Variants in LMX1B observed in about 807,000 individuals in gnomAD.
LMX1B encodes the protein LIM homeobox transcription factor 1-beta.
LMX1B carries 12 observed loss-of-function variants against 51.4 expected under a neutral mutation model. The observed-to-expected ratio is 0.23, with a 90% CI of 0.15 to 0.38. The LOEUF (loss-of-function observed/expected upper bound fraction) is 0.38. Ranked by LOEUF, LMX1B falls within the 10% of genes least tolerant of loss-of-function variation. LMX1B has a pLI of 1.00. For missense variants in LMX1B, 445 were observed against 571.1 expected, an observed-to-expected ratio of 0.78 and a Z score of 2.25; for synonymous variants, 237 against 235.4, an observed-to-expected ratio of 1.01 and a Z score of -0.06.
chr9:126,664,420 A>G (rs1388351542), intron 2 of LMX1B, among the ~76,000 whole-genome samples: 1 of 152,114 alleles, frequency 6.6e-6, no homozygotes, highest in Non-Finnish European at 1.5e-5. Context: ...GGGGGGAGGC[A>G]GTTATACCCC....
intron 2 of LMX1B, among the ~76,000 whole-genome samples, chr9:126,623,586 C>T (rs759566392): frequency 6.6e-6 from 1 of 152,204 alleles, no homozygotes; most frequent in Non-Finnish European, 1.5e-5. Context: ...ATTTCCCCCC[C>T]AGGCGGGTCC....
rs116187184 is a variant in LMX1B, at chr9:126,658,939, G to A, written c.327-31897G>A. ...AGAGGCACCCAGAAGCCCCACATAGGATGGGGCAGGCCTGATCCAAGGCTG... is the reference window on the plus strand; with the variant it reads ...AGAGGCACCCAGAAGCCCCACATAGAATGGGGCAGGCCTGATCCAAGGCTG... On this transcript the variant is annotated intron_variant, in intron 2 of 7. Coordinates refer to ENST00000373474, the MANE Select transcript of LMX1B (RefSeq NM_001174147.2). The surrounding 1 kb of genome is among the most constrained non-coding windows in gnomAD (Gnocchi z 4.0). Among the ~76,000 whole-genome samples the A allele has an allele frequency of 1.6e-3, 249 of 152,346 alleles. 1 individual carries two copies. The highest frequency in any genetic ancestry group is 5.7e-3 in the African/African-American group (235 of 41,592).
intron 3 of LMX1B, 92 bp from the exon 4 acceptor site, chr9:126,693,050 C>A: frequency 7.5e-7 from 1 of 1,326,502 alleles, no homozygotes; most frequent in Non-Finnish European, 1.0e-6. Context: ...AGGGGACAGG[C>A]TCCCATCGGG....
At chr9:126,676,502 C>T (rs1012858232) in intron 2 of LMX1B, among the ~76,000 whole-genome samples, 1 of 152,340 alleles carries the variant, frequency 6.6e-6, no homozygotes, top group South Asian at 2.1e-4. Flanking sequence ...TGCCATGGGG[C>T]TTGGGACGTG....
chr9:126,620,724 T>C (rs1026079485), intron 2 of LMX1B, among the ~76,000 whole-genome samples: 2 of 152,102 alleles, frequency 1.3e-5, no homozygotes, highest in Non-Finnish European at 2.9e-5. Context: ...CTTTTTCCTT[T>C]GGTGGCAAAC....
At position 126,658,137 on chromosome 9, in the gene LMX1B, GA is replaced by G. The variant is rs1207880809; in HGVS notation, c.327-32697del. Among the ~76,000 whole-genome samples, 4 of 152,164 alleles carry G rather than the reference GA, an allele frequency of 2.6e-5. No individual in the cohort carries two copies. In the East Asian group the frequency reaches 7.8e-4, roughly 29 times the overall value. ...CTCCTGGGTATGAAGGGCAGAGAGGGAATCCCCAGCCAAGTGCAGAGGTCAG... is the reference window on the plus strand; with the variant it reads ...CTCCTGGGTATGAAGGGCAGAGAGGGATCCCCAGCCAAGTGCAGAGGTCAG... On this transcript the variant is annotated intron_variant, in intron 2 of 7. Transcript: ENST00000373474. This position sits in a 1 kb window ranked among gnomAD's most constrained non-coding sequence, Gnocchi z 4.0.
chr9:126,648,109 C>T (rs535705598), intron 2 of LMX1B, among the ~76,000 whole-genome samples: 4 of 152,316 alleles, frequency 2.6e-5, no homozygotes, highest in Non-Finnish European at 5.9e-5. Flanking sequence ...GTAATGACTT[C>T]CTCACTGAAC....
At chr9:126,670,606 G>A (rs1836431413) in intron 2 of LMX1B, among the ~76,000 whole-genome samples, 1 of 152,190 alleles carries the variant, frequency 6.6e-6, no homozygotes, top group South Asian at 2.1e-4. Context: ...CATATGTATT[G>A]ACAGGCATGT....
chr9:126,651,451 G>T (rs1245965150), intron 2 of LMX1B, among the ~76,000 whole-genome samples: 1 of 152,152 alleles, frequency 6.6e-6, no homozygotes, highest in Non-Finnish European at 1.5e-5. Context: ...CTGCAGGGTT[G>T]TCTCAAGGGG....
chr9:126,686,433 A>T (rs1188685046), intron 2 of LMX1B, among the ~76,000 whole-genome samples: 1 of 152,202 alleles, frequency 6.6e-6, no homozygotes, highest in Non-Finnish European at 1.5e-5. Context: ...GGATATGGAG[A>T]TATCTTCTCA....
rs1436037344 is a variant in LMX1B at position 126,695,848 on chromosome 9, C to A, written c.896C>A (p.Ser299Tyr). The A allele has an allele frequency of 1.2e-6, 2 of 1,612,846 alleles. No individual in the cohort carries two copies. Among genetic ancestry groups the A allele is most frequent in the Admixed American group, 1.7e-5 (1 of 59,946 alleles). ...NSQRLGQEVL[S>Y]SRMEGMMASY... ...CTCACTGTGCCCCCAGAGGTCCTGT[C>A]CAGCCGCATGGAGGGCATGATGGCT... The change falls in exon 7 of 8, where the codon TCC becomes TAC. Residue 299 changes from serine to tyrosine, a missense_variant. Around this residue, in one of 3 missense-constraint regions of LMX1B, gnomAD observed 162 missense variants for 187.8 expected, o/e 0.86. Coordinates refer to ENST00000373474, the MANE Select transcript of LMX1B (RefSeq NM_001174147.2). This position sits in a 1 kb window ranked among gnomAD's most constrained non-coding sequence, Gnocchi z 5.2.
chr9:126,682,667 T>G (rs1448070584), intron 2 of LMX1B, among the ~76,000 whole-genome samples: 2 of 151,818 alleles, frequency 1.3e-5, no homozygotes, highest in Non-Finnish European at 2.9e-5. Flanking sequence ...GAGCCCTAGG[T>G]GGGGGGATCA....
intron 2 of LMX1B, among the ~76,000 whole-genome samples, chr9:126,665,353 C>T (rs752364654): frequency 6.6e-6 from 1 of 152,146 alleles, no homozygotes; most frequent in Non-Finnish European, 1.5e-5. Context: ...AGTGACATTC[C>T]GCAGCCCTGC....
intron 2 of LMX1B, among the ~76,000 whole-genome samples, chr9:126,655,124 C>T (rs1002079114): frequency 5.9e-5 from 9 of 152,238 alleles, no homozygotes; most frequent in South Asian, 4.1e-4. Flanking sequence ...GTGAATGTGA[C>T]GAAGACTTGT....
intron 2 of LMX1B, among the ~76,000 whole-genome samples, chr9:126,661,019 G>T (rs1188236612): frequency 6.6e-6 from 1 of 152,204 alleles, no homozygotes; most frequent in Non-Finnish European, 1.5e-5. Flanking sequence ...CTTAGAGCTG[G>T]GATCTGGGAT....
rs2118849934 is a variant in LMX1B at position 126,626,446 on chromosome 9, C to G, written c.326+10877C>G. 6.6e-6 allele frequency among the ~76,000 whole-genome samples: 1 copy of G among 152,230 alleles called. No individual in the cohort carries two copies. On this transcript the variant is annotated intron_variant, in intron 2 of 7. Coordinates refer to ENST00000373474, the MANE Select transcript of LMX1B (RefSeq NM_001174147.2). This position sits in a 1 kb window ranked among gnomAD's most constrained non-coding sequence, Gnocchi z 4.3. ...TAGAGGGACAGGACATGGCCGGGGA[C>G]CATGGGATTCGCTGCCATTAAGTAT...
rs1338411906 is a variant in LMX1B, at chr9:126,625,223, G to A, written c.326+9654G>A. 1.3e-5 allele frequency among the ~76,000 whole-genome samples: 2 copies of A among 152,266 alleles called. No homozygotes were observed. The highest frequency in any genetic ancestry group is 3.8e-4 in the East Asian group (2 of 5,196). The stretch of plus-strand genomic sequence containing the variant: ...GCCCTGTAGCCCCCTGACGCTTTTC[G>A]TTTCCGAGCGCGCTTGGGCCTCAGG... On this transcript the variant is annotated intron_variant, in intron 2 of 7. Coordinates refer to ENST00000373474, the MANE Select transcript of LMX1B (RefSeq NM_001174147.2). The surrounding 1 kb of genome is among the most constrained non-coding windows in gnomAD (Gnocchi z 5.3).
chr9:126,696,465 G>A lies in LMX1B; in HGVS notation c.*14G>A, dbSNP rs570607984. On this transcript the variant is annotated 3_prime_UTR_variant, in exon 8 of 8. Coordinates refer to ENST00000373474, the MANE Select transcript of LMX1B (RefSeq NM_001174147.2). ...TTCGCCTCCTGAGAGCCAGCCAGGC[G>A]CACGGACGCTTGGGCAGGGGCCTGG... is the stretch of plus-strand genomic sequence containing the variant. 3.3e-5 allele frequency: 53 copies of A among 1,613,598 alleles called. No individual in the cohort carries two copies. The highest frequency in any genetic ancestry group is 2.4e-4 in the South Asian group (22 of 91,076).
At position 126,698,780 on chromosome 9, in the gene LMX1B, C is replaced by G. The variant is rs1342316766; in HGVS notation, c.*2329C>G. 6.6e-6 allele frequency: 1 copy of G among 152,506 alleles called. No homozygotes were observed. Among genetic ancestry groups the G allele is most frequent in the Non-Finnish European group, 1.5e-5 (1 of 68,244 alleles). 9.4% of individuals were successfully genotyped at this position (152,506 alleles called of 1,614,324 possible). A position where few individuals can be genotyped will look rare whatever the true frequency, so the allele number is the denominator to read the frequency against. On this transcript the variant is annotated 3_prime_UTR_variant, in exon 8 of 8. Coordinates refer to ENST00000373474, the MANE Select transcript of LMX1B (RefSeq NM_001174147.2). The stretch of plus-strand genomic sequence containing the variant: ...TGGAATCCTCTAAGTTCAACCTGTT[C>G]TGTGGTTTTGCTCCCGTTTGCTGGG...
Sources: gnomAD v4.1 joint callset for allele counts (sites outside exome capture counted in the v4.1 genomes callset) on GRCh38, gnomAD v4.1.1 for gene constraint, gnomAD v4.1.1 regional missense constraint, Gnocchi (gnomAD v3.1) non-coding constraint, MANE v1.5 for transcripts, NCBI Gene and HGNC (gene_info 2026-07-23, HGNC 2026-07-21) for gene names.